Variants in PSME4 observed in about 807,000 individuals in gnomAD.
The protein encoded by PSME4 is proteasome activator complex subunit 4.
A neutral mutation model predicts 253.9 loss-of-function variants in PSME4; 89 were observed. The ratio of observed to expected loss-of-function variants is 0.35; its 90% CI spans 0.30 to 0.42. The LOEUF (loss-of-function observed/expected upper bound fraction) is 0.42. PSME4 is among the 10% of genes least tolerant of loss of function. The probability of loss-of-function intolerance (pLI) is 1.00; values close to 1 mark genes in which losing one functional copy is unlikely to be tolerated. For missense variants in PSME4, 2,014 were observed against 2,195.2 expected (o/e 0.92, Z 1.65); for synonymous variants, 851 against 759.2 (o/e 1.12, Z -1.99).
chr2:53,917,752 T>C (rs1347894586), intron 20 of PSME4, among the ~76,000 whole-genome samples: 2 of 152,254 alleles, frequency 1.3e-5, no homozygotes, highest in African/African-American at 4.8e-5. Flanking sequence ...AAGTTCTTAC[T>C]GTATTACACA....
chr2:53,894,945 T>A, intron 34 of PSME4, 62 bp downstream of exon 34: 1 of 1,398,044 alleles, frequency 7.2e-7, no homozygotes, highest in Non-Finnish European at 9.9e-7. Flanking sequence ...TGAAGTGAGG[T>A]TGAGATAAAT....
At position 53,895,078 on chromosome 2, in the gene PSME4, T is replaced by C; in HGVS notation, c.3843-2A>G. 6.2e-7 allele frequency: 1 copy of C among 1,604,552 alleles called. No individual in the cohort carries two copies. On this transcript the variant is annotated splice_acceptor_variant, in intron 33 of 46. Transcript: ENST00000404125. LOFTEE classifies it high-confidence loss of function. ...ACACCAGCATAAACAACCATATTCC[T>C]ATATAGTAAGAGTTCATATTTATCA...
chr2:53,898,172 A>G lies in PSME4; in HGVS notation c.3476+129T>C, dbSNP rs775832715. ...TTTCCCTCCATCTCTTTTCCTCTTA[A>G]TCTGCTTCCAAATACACAAACCGGA... is the stretch of plus-strand genomic sequence containing the variant. On this transcript the variant is annotated intron_variant, in intron 30 of 46. Coordinates refer to ENST00000404125, the MANE Select transcript of PSME4 (RefSeq NM_014614.3). 102 of 1,190,622 alleles carry G rather than the reference A, an allele frequency of 8.6e-5. 1 individual carries two copies. The highest frequency in any genetic ancestry group is 9.7e-5 in the Non-Finnish European group (83 of 853,136). 73.8% of individuals were successfully genotyped at this position (1,190,622 alleles called of 1,614,324 possible). A position where few individuals can be genotyped will look rare whatever the true frequency, so the allele number is the denominator to read the frequency against.
Position 53,914,326 on chromosome 2 carries a change from A to G in PSME4, c.2517-4196T>C, listed in dbSNP as rs558733119. Among the ~76,000 whole-genome samples, 13 of 152,358 alleles carry G rather than the reference A, an allele frequency of 8.5e-5. No individual in the cohort carries two copies. The South Asian group carries it at 2.7e-3, about 32-fold the overall frequency. ...AAAATTCCTGTGACTCTGGAAAGAC[A>G]TAATCCAACTTCCACATCTATAAAG... On this transcript the variant is annotated intron_variant, in intron 20 of 46. Coordinates refer to ENST00000404125, the MANE Select transcript of PSME4 (RefSeq NM_014614.3).
rs1558665675 is a variant in PSME4 at position 53,901,504 on chromosome 2, T to C, written c.3131A>G (p.His1044Arg). 18 of 1,613,888 alleles carry C rather than the reference T, an allele frequency of 1.1e-5. No individual in the cohort carries two copies. Among genetic ancestry groups the C allele is most frequent in the Non-Finnish European group, 1.5e-5 (18 of 1,179,914 alleles). Residue 1044 changes from histidine (H) to arginine (R), a missense_variant, in exon 28 of 47, where the codon CAT becomes CGT. Coordinates refer to ENST00000404125, the MANE Select transcript of PSME4 (RefSeq NM_014614.3). ...NHSGVCLANL[H>R]DWDCIVQTWP... is the part of the protein sequence containing the mutation. ...CGTCTGTACAATACAGTCCCAATCA[T>C]GAAGGTTTGCCAAGCACACACCACT...
At position 53,938,684 on chromosome 2, in the gene PSME4, T is replaced by C. The variant is rs1003012760; in HGVS notation, c.546-1144A>G. On this transcript the variant is annotated intron_variant, in intron 4 of 46. Transcript: ENST00000404125. ...AAATAAGTTGGGAAACTCTTTCAAA[T>C]AGACTTATAGGCTTGGCCCACACAG... 3.9e-5 allele frequency among the ~76,000 whole-genome samples: 6 copies of C among 152,162 alleles called. No homozygotes were observed. The East Asian group carries it at 9.6e-4, about 24-fold the overall frequency.
intron 10 of PSME4, among the ~76,000 whole-genome samples, chr2:53,931,420 C>A (rs1312215752): frequency 1.3e-5 from 2 of 152,162 alleles, no homozygotes; most frequent in African/African-American, 4.8e-5. Flanking sequence ...AAACAACACA[C>A]CTGAATATAT....
Position 53,940,862 on chromosome 2 carries a change from T to A in PSME4, c.501-862A>T, listed in dbSNP as rs564040370. ...AATCTCAAAAAAATTTATATATATATAATATATATTTAAATATATATAATA... is the reference window on the plus strand; with the variant it reads ...AATCTCAAAAAAATTTATATATATAAAATATATATTTAAATATATATAATA... On this transcript the variant is annotated intron_variant, in intron 3 of 46. Coordinates refer to ENST00000404125, the MANE Select transcript of PSME4 (RefSeq NM_014614.3). Among the ~76,000 whole-genome samples the A allele has an allele frequency of 2.1e-4, 30 of 142,356 alleles. No individual in the cohort carries two copies. The South Asian group carries it at 3.8e-3, about 18-fold the overall frequency. The allele number at this position is 142,356 out of a possible 152,430, so 93.4% of individuals were successfully genotyped here.
chr2:53,954,053 G>C (rs893153228), intron 1 of PSME4, among the ~76,000 whole-genome samples: 1 of 151,446 alleles, frequency 6.6e-6, no homozygotes, highest in Non-Finnish European at 1.5e-5. Context: ...GGGCTGGCCG[G>C]GCGCGGTGGC....
At chr2:53,892,745 T>A in intron 36 of PSME4, 63 bp downstream of exon 36, 1 of 1,492,524 alleles carries the variant, frequency 6.7e-7, no homozygotes, top group African/African-American at 1.4e-5. Context: ...TGTTGGGAAT[T>A]GCCACCAAAA....
chr2:53,891,198 G>T (rs915397978), intron 36 of PSME4, among the ~76,000 whole-genome samples: 1 of 152,194 alleles, frequency 6.6e-6, no homozygotes, highest in East Asian at 1.9e-4. Flanking sequence ...TAATCAGCCT[G>T]AGATATAATC....
At chr2:53,884,726 G>A (rs1224800709) in intron 41 of PSME4, among the ~76,000 whole-genome samples, 1 of 152,088 alleles carries the variant, frequency 6.6e-6, no homozygotes, top group Non-Finnish European at 1.5e-5. Flanking sequence ...TAAGTACTAG[G>A]CAGACAAAGC....
chr2:53,885,361 T>C (rs1167007869), intron 41 of PSME4, among the ~76,000 whole-genome samples: 4 of 152,216 alleles, frequency 2.6e-5, no homozygotes, highest in African/African-American at 9.6e-5. Context: ...AAGTCAGAAA[T>C]GGCTAGATTA....
chr2:53,940,186 C>T (rs2104467458), intron 3 of PSME4, among the ~76,000 whole-genome samples, 186 bp from the exon 4 acceptor site: 1 of 152,230 alleles, frequency 6.6e-6, no homozygotes, highest in Non-Finnish European at 1.5e-5. Flanking sequence ...TTAATCTACT[C>T]TTTCCTTTGC....
intron 43 of PSME4, 133 bp downstream of exon 43, chr2:53,874,206 T>C (rs1679019203): frequency 2.3e-6 from 2 of 875,912 alleles, no homozygotes; most frequent in Non-Finnish European, 3.4e-6. Context: ...GTGATCTCAC[T>C]GACTTCGTCT....
At chr2:53,920,372 T>C in intron 18 of PSME4, 22 bp from the exon 19 acceptor site, 1 of 1,555,596 alleles carries the variant, frequency 6.4e-7, no homozygotes, top group Non-Finnish European at 8.7e-7. Context: ...CAGCATCTAC[T>C]CAGCAAGTTG....
chr2:53,908,537 A>T lies in PSME4; in HGVS notation c.2658T>A (p.Asp886Glu). 1 of 1,608,768 alleles carries T rather than the reference A, an allele frequency of 6.2e-7. No homozygotes were observed. The highest frequency in any genetic ancestry group is 1.1e-5 in the South Asian group (1 of 89,732). ...LNHILDNSED[D>E]TKSLFLIIKI... The stretch of plus-strand genomic sequence containing the variant: ...TTATAATAAGAAACAATGACTTAGT[A>T]TCATCTTCTGAATTATCAAGTATGT... Residue 886 changes from aspartate to glutamate, a missense_variant, in exon 23 of 47, where the codon GAT becomes GAA. Coordinates refer to ENST00000404125, the MANE Select transcript of PSME4 (RefSeq NM_014614.3).
intron 17 of PSME4, among the ~76,000 whole-genome samples, 173 bp downstream of exon 17, chr2:53,922,344 A>G (rs1020949420): frequency 6.6e-6 from 1 of 152,228 alleles, no homozygotes; most frequent in African/African-American, 2.4e-5. Context: ...GATCAACTAC[A>G]CCACTCCTTT....
At chr2:53,960,818 A>C (rs1235232325) in intron 1 of PSME4, among the ~76,000 whole-genome samples, 2 of 152,148 alleles carry the variant, frequency 1.3e-5, no homozygotes, top group African/African-American at 4.8e-5. Context: ...TTTGAAAACC[A>C]CTGGACTGGC....
Sources: allele counts gnomAD v4.1 joint callset (sites outside exome capture counted in the v4.1 genomes callset), GRCh38; gene constraint gnomAD v4.1.1; transcripts MANE v1.5; gene names NCBI Gene and HGNC (gene_info 2026-07-23, HGNC 2026-07-21).